The following TBX20 variants were observed in gnomAD, a reference collection of about 807,000 sequenced individuals.
TBX20 encodes the protein T-box transcription factor TBX20.
In TBX20, 8 loss-of-function variants were observed where a neutral mutation model predicts 42.9. That is an observed-to-expected ratio of 0.19 (90% CI 0.11 to 0.34). The LOEUF (loss-of-function observed/expected upper bound fraction) is 0.34. Ranked by LOEUF, TBX20 falls within the 10% of genes least tolerant of loss-of-function variation. The pLI, the probability that TBX20 is intolerant of heterozygous loss-of-function variation, is 1.00. For missense variants in TBX20, 411 were observed against 566.0 expected (o/e 0.73, Z 2.78); for synonymous variants, 198 against 222.8 (o/e 0.89, Z 0.99).
chr7:35,247,367 T>TA (rs962979982), intron 3 of TBX20, among the ~76,000 whole-genome samples: 109 of 150,982 alleles, frequency 7.2e-4, no homozygotes, highest in Admixed American at 1.7e-3. Context: ...CTTGCTCAAC[T>TA]AAAAAAAAAC....
intron 6 of TBX20, among the ~76,000 whole-genome samples, chr7:35,211,909 T>C (rs1342125682): frequency 1.3e-5 from 2 of 152,290 alleles, no homozygotes; most frequent in Non-Finnish European, 1.5e-5. Context: ...TTTGGTATTA[T>C]TTCTTCATGC....
intron 5 of TBX20, among the ~76,000 whole-genome samples, chr7:35,231,789 A>T (rs1789871486): frequency 6.6e-6 from 1 of 152,186 alleles, no homozygotes; most frequent in Non-Finnish European, 1.5e-5. Context: ...GGAGGTATTG[A>T]GGACAGGCTG....
At chr7:35,205,202 T>C (rs1438288858) in intron 6 of TBX20, among the ~76,000 whole-genome samples, 1 of 152,100 alleles carries the variant, frequency 6.6e-6, no homozygotes, top group Non-Finnish European at 1.5e-5. Context: ...AAAACACAAA[T>C]GACCAATAAG....
At chr7:35,244,880 A>G in intron 4 of TBX20, 69 bp downstream of exon 4, 1 of 1,107,566 alleles carries the variant, frequency 9.0e-7, no homozygotes, top group Non-Finnish European at 1.4e-6. Context: ...GGACTCAGAG[A>G]GAGACAGTTT....
intron 5 of TBX20, among the ~76,000 whole-genome samples, chr7:35,236,540 T>C (rs1584353155): frequency 6.6e-6 from 1 of 152,178 alleles, no homozygotes; most frequent in Admixed American, 6.5e-5. Context: ...ATAGGACTAA[T>C]GAAAATGCTA....
intron 4 of TBX20, among the ~76,000 whole-genome samples, chr7:35,242,803 A>G (rs78725986): frequency 2.0e-4 from 31 of 152,298 alleles, no homozygotes; most frequent in African/African-American, 7.2e-4. Context: ...GCTTCACTCA[A>G]GAAATAATTC....
intron 5 of TBX20, among the ~76,000 whole-genome samples, chr7:35,232,506 A>G (rs1316379282): frequency 1.3e-5 from 2 of 152,234 alleles, no homozygotes; most frequent in Non-Finnish European, 2.9e-5. Context: ...ACAGATAATC[A>G]CACACAGACT....
intron 6 of TBX20, among the ~76,000 whole-genome samples, chr7:35,205,023 C>T (rs1789377016): frequency 6.6e-6 from 1 of 152,124 alleles, no homozygotes; most frequent in Non-Finnish European, 1.5e-5. Context: ...ATCCAACAAC[C>T]AATGAAATGT....
intron 1 of TBX20, among the ~76,000 whole-genome samples, chr7:35,252,644 A>T (rs1034661998): frequency 6.6e-6 from 1 of 152,246 alleles, no homozygotes; most frequent in Non-Finnish European, 1.5e-5. Context: ...TTCACATTGT[A>T]GTGATACCAG....
intron 6 of TBX20, among the ~76,000 whole-genome samples, chr7:35,221,822 T>C (rs1789688871): frequency 6.6e-6 from 1 of 152,274 alleles, no homozygotes; most frequent in East Asian, 1.9e-4. Context: ...TGCAATTAAA[T>C]TAAAAATAAT....
At chr7:35,218,283 A>T (rs1789623627) in intron 6 of TBX20, among the ~76,000 whole-genome samples, 1 of 152,228 alleles carries the variant, frequency 6.6e-6, no homozygotes, top group Non-Finnish European at 1.5e-5. Flanking sequence ...CTGTAAATAT[A>T]TAAACAAAAG....
At chr7:35,219,673 C>A (rs1467760921) in intron 6 of TBX20, among the ~76,000 whole-genome samples, 3 of 152,278 alleles carry the variant, frequency 2.0e-5, no homozygotes, top group African/African-American at 7.2e-5. Flanking sequence ...TTCTTTCCAG[C>A]ACCATAAATT....
chr7:35,233,926 T>C (rs1789914791), intron 5 of TBX20, among the ~76,000 whole-genome samples: 1 of 152,202 alleles, frequency 6.6e-6, no homozygotes, highest in South Asian at 2.1e-4. Context: ...TAAATGATGC[T>C]AAAGAAGGTG....
intron 1 of TBX20, among the ~76,000 whole-genome samples, chr7:35,250,536 T>C (rs996617610): frequency 1.3e-5 from 2 of 152,202 alleles, no homozygotes; most frequent in African/African-American, 2.4e-5. Context: ...AATATTCCTA[T>C]TGTCACCCCT....
At chr7:35,235,692 A>G (rs1361909978) in intron 5 of TBX20, among the ~76,000 whole-genome samples, 1 of 152,214 alleles carries the variant, frequency 6.6e-6, no homozygotes, top group African/African-American at 2.4e-5. Flanking sequence ...TAAATAATAT[A>G]GAACATAATG....
chr7:35,220,874 G>A (rs147739144), intron 6 of TBX20, among the ~76,000 whole-genome samples: 13 of 151,744 alleles, frequency 8.6e-5, no homozygotes, highest in African/African-American at 3.2e-4. Flanking sequence ...AGAAGACCCT[G>A]TATTAATAAA....
At chr7:35,235,190 CAT>C (rs1164013641) in intron 5 of TBX20, among the ~76,000 whole-genome samples, 1 of 150,242 alleles carries the variant, frequency 6.7e-6, no homozygotes, top group Admixed American at 6.7e-5. Flanking sequence ...AAAGGTCAGA[CAT>C]AGAGTTTATG....
intron 4 of TBX20, among the ~76,000 whole-genome samples, chr7:35,241,976 G>A (rs1324512626): frequency 6.6e-6 from 1 of 152,096 alleles, no homozygotes; most frequent in Non-Finnish European, 1.5e-5. Context: ...TGTCTTTCCG[G>A]GGATGAGAGG....
chr7:35,213,566 T>C (rs1051777691), intron 6 of TBX20, among the ~76,000 whole-genome samples: 1 of 152,138 alleles, frequency 6.6e-6, no homozygotes, highest in African/African-American at 2.4e-5. Flanking sequence ...TGGTCTAACA[T>C]TGGTACTTTG....
Sources: gnomAD v4.1 joint callset for allele counts (sites outside exome capture counted in the v4.1 genomes callset) on GRCh38, gnomAD v4.1.1 for gene constraint, MANE v1.5 for transcripts, NCBI Gene and HGNC (gene_info 2026-07-23, HGNC 2026-07-21) for gene names.